Variants in NBAS observed in about 807,000 individuals in gnomAD.
NBAS encodes the protein NBAS subunit of NRZ tethering complex.
NBAS carries 219 observed loss-of-function variants against 302.5 expected under a neutral mutation model. That is an observed-to-expected ratio of 0.72 (90% confidence interval 0.65 to 0.81). The LOEUF (loss-of-function observed/expected upper bound fraction) is 0.81, where lower values mean the gene tolerates loss of function less well. NBAS is among the 30% of genes least tolerant of loss of function. NBAS has a pLI of 0.00. For missense variants in NBAS, 2,932 were observed against 2,841.6 expected (o/e 1.03, Z -0.72); for synonymous variants, 1,118 against 1,021.6 (o/e 1.09, Z -1.80).
the NBAS span, among the ~76,000 whole-genome samples, chr2:15,059,977 A>AC: frequency 6.6e-4 from 69 of 103,850 alleles, 2 homozygotes; most frequent in East Asian, 0.015. Flanking sequence ...AAAAAAAAAC[A>AC]AAAAAAAAAA....
At chr2:14,835,108 C>G in the NBAS span, among the ~76,000 whole-genome samples, 1 of 151,934 alleles carries the variant, frequency 6.6e-6, no homozygotes, top group African/African-American at 2.4e-5. Flanking sequence ...GCCTAGAAGA[C>G]CAAGTCAATG....
At chr2:14,845,770 G>A in the NBAS span, among the ~76,000 whole-genome samples, 2 of 152,160 alleles carry the variant, frequency 1.3e-5, no homozygotes, top group Admixed American at 6.5e-5. Flanking sequence ...TTCACAGGCT[G>A]AAGAATGCAT....
At chr2:15,551,610 G>T in intron 5 of NBAS, 74 bp from the exon 6 acceptor site, 1 of 1,105,942 alleles carries the variant, frequency 9.0e-7, no homozygotes. Context: ...CAGATACTGT[G>T]GACTAGACAG....
intron 35 of NBAS, among the ~76,000 whole-genome samples, chr2:15,350,107 T>TA (rs1673279286): frequency 6.6e-6 from 1 of 152,040 alleles, no homozygotes; most frequent in South Asian, 2.1e-4. Flanking sequence ...ATTTTAATAT[T>TA]AAAAAAAGAG....
chr2:15,063,840 C>A, the NBAS span, among the ~76,000 whole-genome samples: 9 of 152,186 alleles, frequency 5.9e-5, no homozygotes, highest in Admixed American at 4.6e-4. Flanking sequence ...CTTTTACCCT[C>A]CAGAATCATG....
chr2:15,029,378 C>T, the NBAS span, among the ~76,000 whole-genome samples: 9 of 152,272 alleles, frequency 5.9e-5, no homozygotes, highest in Admixed American at 2.6e-4. Flanking sequence ...GATACAGACT[C>T]GCTGCCTTCA....
At chr2:15,254,428 G>A (rs1668494963) in intron 44 of NBAS, among the ~76,000 whole-genome samples, 1 of 152,212 alleles carries the variant, frequency 6.6e-6, no homozygotes, top group African/African-American at 2.4e-5. Flanking sequence ...CTCCGTTTGT[G>A]CAGTGGTAGA....
intron 35 of NBAS, among the ~76,000 whole-genome samples, chr2:15,342,258 C>G (rs1018822617): frequency 3.3e-5 from 5 of 151,600 alleles, no homozygotes; most frequent in African/African-American, 9.7e-5. Context: ...TGTACAAAAG[C>G]AAAGGAAACA....
the NBAS span, among the ~76,000 whole-genome samples, chr2:15,118,412 G>A: frequency 2.0e-5 from 3 of 152,266 alleles, no homozygotes; most frequent in East Asian, 1.9e-4. Flanking sequence ...ATCCAAAAGC[G>A]GCCTCTGTGA....
the NBAS span, among the ~76,000 whole-genome samples, chr2:14,877,128 A>C: frequency 1.3e-5 from 2 of 152,182 alleles, no homozygotes; most frequent in Non-Finnish European, 2.9e-5. Context: ...TTAGCATGAC[A>C]GTTTCCCTGC....
In NBAS at chr2:15,287,230, A is replaced by C. The variant is rs200992904; in HGVS notation, c.5028-47T>G. On this transcript the variant is annotated intron_variant, in intron 41 of 51. Coordinates refer to ENST00000281513, the MANE Select transcript of NBAS (RefSeq NM_015909.4). ...CCAGGAAGGGAGAGAGGAGAAACACATGACTTCAATCAGCAACGAAAATGC... is the reference window on the plus strand; with the variant it reads ...CCAGGAAGGGAGAGAGGAGAAACACCTGACTTCAATCAGCAACGAAAATGC... 1.3e-5 allele frequency: 19 copies of C among 1,478,434 alleles called. No individual in the cohort carries two copies. In the East Asian group the frequency reaches 4.1e-4, roughly 32 times the overall value. The allele number at this position is 1,478,434 out of a possible 1,614,324, so 91.6% of individuals were successfully genotyped here.
At chr2:15,321,811 C>T (rs771758966) in intron 38 of NBAS, among the ~76,000 whole-genome samples, 1 of 152,126 alleles carries the variant, frequency 6.6e-6, no homozygotes, top group Non-Finnish European at 1.5e-5. Flanking sequence ...TTAGTTCAAC[C>T]ATTGTGGAAG....
chr2:15,120,664 T>C, the NBAS span, among the ~76,000 whole-genome samples: 27 of 152,352 alleles, frequency 1.8e-4, no homozygotes, highest in Non-Finnish European at 2.9e-4. Flanking sequence ...CTTTTGGCAT[T>C]CTGCCCATCA....
chr2:15,275,953 A>T, intron 43 of NBAS, 135 bp from the exon 44 acceptor site: 2 of 757,416 alleles, frequency 2.6e-6, no homozygotes, highest in Non-Finnish European at 4.3e-6. Context: ...TAGCTAGTTT[A>T]TATTTTCTAT....
At chr2:15,075,418 A>T in the NBAS span, among the ~76,000 whole-genome samples, 1 of 152,178 alleles carries the variant, frequency 6.6e-6, no homozygotes, top group African/African-American at 2.4e-5. Flanking sequence ...AAAGTGAAGG[A>T]AAGAGATCCA....
At chr2:15,045,377 C>T in the NBAS span, among the ~76,000 whole-genome samples, 1 of 152,188 alleles carries the variant, frequency 6.6e-6, no homozygotes, top group Non-Finnish European at 1.5e-5. Context: ...TTCCAAACCA[C>T]CAGTAACATG....
chr2:15,031,903 G>C, the NBAS span, among the ~76,000 whole-genome samples: 37 of 152,334 alleles, frequency 2.4e-4, no homozygotes, highest in Non-Finnish European at 2.9e-5. Flanking sequence ...AAGCCCAAGA[G>C]ACCTCAGCTG....
chr2:15,167,148 T>C lies in NBAS; in HGVS notation c.7016A>G (p.His2339Arg), dbSNP rs779111144. 7 of 1,614,150 alleles carry C rather than the reference T, an allele frequency of 4.3e-6. No homozygotes were observed. Among genetic ancestry groups the C allele is most frequent in the African/African-American group, 4.0e-5 (3 of 74,956 alleles). ...AAGGAGAGACCCGGCTTCGGCTTCA[T>C]GGCCGGCCTCCCGCAGGTGTCTGCC... ...ELGRHLREAGHEAEAGSLLLA... is the reference protein window; with the variant it reads ...ELGRHLREAGREAEAGSLLLA... The change falls in exon 52 of 52, where the codon CAT (histidine) becomes CGT (arginine). Residue 2339 changes from histidine to arginine, a missense_variant. His to Arg is a conservative substitution (Grantham distance 29). Coordinates refer to ENST00000281513, the MANE Select transcript of NBAS (RefSeq NM_015909.4).
At chr2:15,186,128 G>A (rs1665070198) in intron 50 of NBAS, among the ~76,000 whole-genome samples, 1 of 148,390 alleles carries the variant, frequency 6.7e-6, no homozygotes, top group African/African-American at 2.5e-5. Flanking sequence ...ATGTATGTGT[G>A]TATATATATA....
Sources: gnomAD v4.1 joint callset for allele counts (sites outside exome capture counted in the v4.1 genomes callset) on GRCh38, gnomAD v4.1.1 for gene constraint, MANE v1.5 for transcripts, NCBI Gene and HGNC (gene_info 2026-07-23, HGNC 2026-07-21) for gene names.